CCDC122: variants seen among roughly 807,000 people sequenced by gnomAD.
CCDC122 encodes the protein coiled-coil domain containing 122, also known as coiled-coil domain-containing protein 122.
CCDC122 carries 38 observed loss-of-function variants against 37.0 expected under a neutral mutation model. That is an observed-to-expected ratio of 1.03 (90% CI 0.79 to 1.35). The LOEUF is 1.35. Ranked by LOEUF, CCDC122 falls within the 40% of genes most tolerant of loss-of-function variation. The pLI, the probability that CCDC122 is intolerant of heterozygous loss-of-function variation, is 0.00. For synonymous variants in CCDC122, 83 were observed against 95.6 expected (o/e 0.87, Z 0.77); for missense variants, 305 against 310.0 (o/e 0.98, Z 0.12).
chr13:43,858,646 T>G lies in CCDC122; in HGVS notation c.672+135A>C, dbSNP rs537187426. 2.8e-5 allele frequency: 16 copies of G among 566,960 alleles called. No individual in the cohort carries two copies. The African/African-American group carries it at 3.2e-4, about 11-fold the overall frequency. The allele number at this position is 566,960 out of a possible 1,614,324, so 35.1% of individuals were successfully genotyped here. A position where few individuals can be genotyped will look rare whatever the true frequency, so the allele number is the denominator to read the frequency against. ...TCTAGTTATCTATTAATGATTTGTA[T>G]TTACTAAATTTTATAGTTCTTTCTT... On this transcript the variant is annotated intron_variant, in intron 6 of 6. Coordinates refer to ENST00000444614, the MANE Select transcript of CCDC122 (RefSeq NM_144974.5).
intron 6 of CCDC122, among the ~76,000 whole-genome samples, chr13:43,838,886 T>C (rs1008629655): frequency 6.6e-6 from 1 of 152,186 alleles, no homozygotes; most frequent in Non-Finnish European, 1.5e-5. Context: ...CAAAATATGA[T>C]GGATAAGCTC....
downstream of CCDC122, among the ~76,000 whole-genome samples, chr13:43,835,377 G>A (rs1301218870): frequency 6.6e-6 from 1 of 152,048 alleles, no homozygotes; most frequent in African/African-American, 2.4e-5. Context: ...GAGTTAATGG[G>A]TGCAGCACAC....
intron 6 of CCDC122, among the ~76,000 whole-genome samples, chr13:43,846,084 T>C (rs1019802700): frequency 6.6e-5 from 10 of 152,234 alleles, no homozygotes; most frequent in Admixed American, 5.9e-4. Context: ...CTTTTTTCTT[T>C]TTTTTTTGAG....
chr13:43,876,055 G>C (rs1954601193), intron 1 of CCDC122, among the ~76,000 whole-genome samples: 1 of 152,158 alleles, frequency 6.6e-6, no homozygotes, highest in Admixed American at 6.5e-5. Flanking sequence ...TTAGCCCCTA[G>C]GCAAAGAACA....
At chr13:43,820,676 A>C (rs1952986832), downstream of CCDC122, among the ~76,000 whole-genome samples, 1 of 152,220 alleles carries the variant, frequency 6.6e-6, no homozygotes. Flanking sequence ...ATCGAGTATC[A>C]ATCCTGCCTC....
At chr13:43,870,360 C>T (rs1244682626) in intron 2 of CCDC122, among the ~76,000 whole-genome samples, 1 of 152,114 alleles carries the variant, frequency 6.6e-6, no homozygotes, top group Non-Finnish European at 1.5e-5. Flanking sequence ...CCTTTCTGCT[C>T]AACACACAGA....
intron 6 of CCDC122, among the ~76,000 whole-genome samples, chr13:43,852,053 C>A (rs1953754686): frequency 6.6e-6 from 1 of 152,042 alleles, no homozygotes; most frequent in Non-Finnish European, 1.5e-5. Flanking sequence ...AGCACAAAAA[C>A]CCTGATAACC....
At chr13:43,871,434 G>A (rs1954449557) in intron 2 of CCDC122, among the ~76,000 whole-genome samples, 1 of 151,972 alleles carries the variant, frequency 6.6e-6, no homozygotes, top group Non-Finnish European at 1.5e-5. Context: ...CCAAATCACA[G>A]TGCAATTTCC....
At position 43,847,475 on chromosome 13, in the gene CCDC122, G is replaced by T. The variant is rs1189186158; in HGVS notation, c.673-10046C>A. ...AGAAGTGGGAAAATAGAGTCCAACA[G>T]GTTTGGATTCATATCCTACTCTGTC... On this transcript the variant is annotated intron_variant, in intron 6 of 6. Transcript: ENST00000444614. 1.5e-4 allele frequency among the ~76,000 whole-genome samples: 23 copies of T among 152,232 alleles called. No homozygotes were observed. In the East Asian group the frequency reaches 4.4e-3, roughly 29 times the overall value.
intron 4 of CCDC122, among the ~76,000 whole-genome samples, chr13:43,863,576 T>A (rs756851817): frequency 2.6e-5 from 4 of 152,194 alleles, no homozygotes; most frequent in Non-Finnish European, 5.9e-5. Context: ...GGTTGTGTCA[T>A]TTTACAGTCC....
intron 6 of CCDC122, among the ~76,000 whole-genome samples, chr13:43,840,365 C>T (rs906117888): frequency 6.6e-6 from 1 of 151,900 alleles, no homozygotes; most frequent in African/African-American, 2.4e-5. Context: ...GTAAATATAC[C>T]ACAATTTATT....
intron 6 of CCDC122, among the ~76,000 whole-genome samples, chr13:43,838,843 T>G (rs1215577822): frequency 6.6e-6 from 1 of 152,158 alleles, no homozygotes; most frequent in African/African-American, 2.4e-5. Flanking sequence ...GCAGGCACAA[T>G]GAGAAATCAT....
chr13:43,833,811 G>GA (rs1355024557), downstream of CCDC122, among the ~76,000 whole-genome samples: 29 of 151,734 alleles, frequency 1.9e-4, no homozygotes, highest in Non-Finnish European at 3.7e-4. Context: ...CTTCCATGCA[G>GA]AAAAAAAACG....
intron 2 of CCDC122, among the ~76,000 whole-genome samples, chr13:43,871,732 G>C (rs1192121300): frequency 6.6e-6 from 1 of 152,078 alleles, no homozygotes; most frequent in African/African-American, 2.4e-5. Flanking sequence ...CAAAGATACA[G>C]CTTCCTCATC....
chr13:43,877,392 CCTT>C (rs1453445469), intron 1 of CCDC122, among the ~76,000 whole-genome samples: 1 of 152,090 alleles, frequency 6.6e-6, no homozygotes, highest in Non-Finnish European at 1.5e-5. Flanking sequence ...GTTTAACTGA[CCTT>C]TTTTCTTATA....
At chr13:43,849,756 G>A (rs1953663379) in intron 6 of CCDC122, among the ~76,000 whole-genome samples, 1 of 152,220 alleles carries the variant, frequency 6.6e-6, no homozygotes, top group South Asian at 2.1e-4. Flanking sequence ...GGGCTGGGTG[G>A]AAAGCCTAAA....
intron 6 of CCDC122, among the ~76,000 whole-genome samples, chr13:43,857,373 T>C (rs964956730): frequency 1.3e-5 from 2 of 152,122 alleles, no homozygotes; most frequent in Non-Finnish European, 2.9e-5. Flanking sequence ...TTATGGAGTG[T>C]TTTTCTCTTT....
chr13:43,821,222 T>A (rs1952990462), downstream of CCDC122, among the ~76,000 whole-genome samples: 1 of 152,192 alleles, frequency 6.6e-6, no homozygotes, highest in African/African-American at 2.4e-5. Flanking sequence ...TAGGGGTTTT[T>A]AAAACATTTT....
chr13:43,833,977 T>C (rs988111124), downstream of CCDC122, among the ~76,000 whole-genome samples: 1 of 152,246 alleles, frequency 6.6e-6, no homozygotes, highest in Non-Finnish European at 1.5e-5. Flanking sequence ...AATTTTCTAA[T>C]ATTAGAGTTT....
Sources: allele counts gnomAD v4.1 joint callset (sites outside exome capture counted in the v4.1 genomes callset), GRCh38; gene constraint gnomAD v4.1.1; transcripts MANE v1.5; gene names NCBI Gene and HGNC (gene_info 2026-07-23, HGNC 2026-07-21).